PHF20: variants seen among roughly 807,000 people sequenced by gnomAD.
PHF20 encodes glioma-expressed antigen 2.
Under a neutral mutation model 113.5 loss-of-function variants are expected in PHF20, and 23 were observed. The ratio of observed to expected loss-of-function variants is 0.20; its 90% CI spans 0.15 to 0.29. The LOEUF (loss-of-function observed/expected upper bound fraction) is 0.29, where lower values mean the gene tolerates loss of function less well. PHF20 is among the 10% of genes least tolerant of loss of function. The pLI is 1.00. For missense variants in PHF20, 943 were observed against 1,219.6 expected (o/e 0.77, Z 3.38); for synonymous variants, 434 against 457.3 (o/e 0.95, Z 0.65).
chr20:35,792,993 T>TC (rs375051188), intron 1 of PHF20, among the ~76,000 whole-genome samples: 17 of 152,276 alleles, frequency 1.1e-4, no homozygotes, highest in African/African-American at 3.8e-4. Flanking sequence ...TGTGCACCCA[T>TC]CCCTAGGCAT....
intron 14 of PHF20, 34 bp from the exon 15 acceptor site, chr20:35,931,215 C>T (rs1184977782): frequency 6.5e-7 from 1 of 1,529,434 alleles, no homozygotes; most frequent in Admixed American, 1.7e-5. Context: ...TTCCTTCAGG[C>T]CTTGTTTTAA....
intron 10 of PHF20, among the ~76,000 whole-genome samples, chr20:35,913,020 G>A (rs773613060): frequency 3.9e-5 from 6 of 152,152 alleles, no homozygotes; most frequent in Non-Finnish European, 8.8e-5. Flanking sequence ...AATGAACATG[G>A]CATGTTTCAC....
At chr20:35,896,081 A>ATG (rs10633976) in intron 9 of PHF20, among the ~76,000 whole-genome samples, 8,746 of 143,102 alleles carry the variant, frequency 0.061, 432 homozygotes, top group African/African-American at 0.14. Flanking sequence ...ATGCTTTGGG[A>ATG]TGTGTGTGTG....
At chr20:35,902,803 C>T (rs1034237455) in intron 10 of PHF20, among the ~76,000 whole-genome samples, 4 of 152,174 alleles carry the variant, frequency 2.6e-5, no homozygotes, top group African/African-American at 9.7e-5. Flanking sequence ...AACTTTGTTA[C>T]ACTAAATGAC....
At chr20:35,829,762 AG>A (rs1223323197) in intron 2 of PHF20, among the ~76,000 whole-genome samples, 1 of 152,060 alleles carries the variant, frequency 6.6e-6, no homozygotes, top group Non-Finnish European at 1.5e-5. Context: ...TGGGAGGCTG[AG>A]GCAGGCATAT....
At chr20:35,880,119 C>T (rs189801377) in intron 9 of PHF20, among the ~76,000 whole-genome samples, 189 of 152,312 alleles carry the variant, frequency 1.2e-3, no homozygotes, top group Middle Eastern at 3.4e-3. Context: ...AGTGGGCACT[C>T]TTGGACTTAG....
At chr20:35,799,541 C>T (rs17093099) in intron 1 of PHF20, among the ~76,000 whole-genome samples, 7,273 of 152,068 alleles carry the variant, frequency 0.048, 214 homozygotes, top group African/African-American at 0.089. Flanking sequence ...AAGGAAGTGG[C>T]CTGTTCAAGT....
rs370219802 is a variant in PHF20, at chr20:35,891,922, G to C, written c.1283-7448G>C. The stretch of plus-strand genomic sequence containing the variant: ...TTGTCACTGTGTTGCCCAGGCTGGA[G>C]TGCAGTGGGCAATCTTGGCTCACTG... On this transcript the variant is annotated intron_variant, in intron 9 of 17. Coordinates refer to ENST00000374012, the MANE Select transcript of PHF20 (RefSeq NM_016436.5). 5.6e-4 allele frequency among the ~76,000 whole-genome samples: 85 copies of C among 152,128 alleles called. No homozygotes were observed. In the South Asian group the frequency reaches 0.013, roughly 24 times the overall value.
chr20:35,772,125 C>G (rs1448662683), intron 1 of PHF20, 46 bp downstream of exon 1: 1 of 149,498 alleles, frequency 6.7e-6, no homozygotes, highest in African/African-American at 2.4e-5. Context: ...CCGGGTTGGG[C>G]CGGGCCCGCG....
chr20:35,863,387 C>T lies in PHF20; in HGVS notation c.795C>T (p.Ser265=). The change falls in exon 6 of 18, where the codon TCC becomes TCT. Residue 265 remains serine (S), a synonymous_variant. Transcript: ENST00000374012. ...AAAGAAAACGAGGCAGACCCCCTTC[C>T]ATAGCTCCTACTGGTGAGTTTTTTA... is the stretch of plus-strand genomic sequence containing the variant. ...EPKRKRGRPP[S]IAPTAVDSNS... is the part of the protein sequence containing the mutation. 6.2e-7 allele frequency: 1 copy of T among 1,600,292 alleles called. No individual in the cohort carries two copies. The highest frequency in any genetic ancestry group is 8.5e-7 in the Non-Finnish European group (1 of 1,175,712).
At chr20:35,784,062 T>G (rs1214594917) in intron 1 of PHF20, among the ~76,000 whole-genome samples, 11 of 151,712 alleles carry the variant, frequency 7.3e-5, no homozygotes, top group African/African-American at 2.7e-4. Context: ...TGTGTGTTTT[T>G]TTTTTTTTTG....
rs368676517 is a variant in PHF20 at position 35,871,087 on chromosome 20, C to G, written c.1055C>G (p.Thr352Arg). ...TTGGTTGTATCAGATTTGGTTGATA[C>G]GGATCCTTTGCAAGACACGTTGTCT... ...PDLVVSDLVD[T>R]DPLQDTLSST... The change falls in exon 8 of 18, where the codon ACG becomes AGG. Residue 352 changes from threonine (T) to arginine (R), a missense_variant. Thr to Arg is a moderately conservative substitution (Grantham distance 71). Transcript: ENST00000374012. 6.2e-6 allele frequency: 10 copies of G among 1,612,706 alleles called. No individual in the cohort carries two copies.
At position 35,786,470 on chromosome 20, in the gene PHF20, G is replaced by A. The variant is rs543823232; in HGVS notation, c.-33+14391G>A. ...TGTCATCCCAGCAGTTTGGGAGGCCGAGGCGGGTGGATCACAAGGCCAGGA... is the reference window on the plus strand; with the variant it reads ...TGTCATCCCAGCAGTTTGGGAGGCCAAGGCGGGTGGATCACAAGGCCAGGA... On this transcript the variant is annotated intron_variant, in intron 1 of 17. Transcript: ENST00000374012. Among the ~76,000 whole-genome samples the A allele has an allele frequency of 5.3e-5, 8 of 152,276 alleles. No homozygotes were observed. The East Asian group carries it at 1.5e-3, about 29-fold the overall frequency.
chr20:35,897,175 A>G (rs2055001457), intron 9 of PHF20, among the ~76,000 whole-genome samples: 1 of 152,058 alleles, frequency 6.6e-6, no homozygotes, highest in South Asian at 2.1e-4. Flanking sequence ...CTGGGACTAT[A>G]GGCACATGCC....
At position 35,805,009 on chromosome 20, in the gene PHF20, C is replaced by A. The variant is rs2041854992; in HGVS notation, c.83+3404C>A. Among the ~76,000 whole-genome samples, 5 of 152,092 alleles carry A rather than the reference C, an allele frequency of 3.3e-5. No individual in the cohort carries two copies. The South Asian group carries it at 1.0e-3, about 32-fold the overall frequency. ...CTCCGCCTCCCAGGTTCAAGCGATT[C>A]TCGTGCCTCAGCCTCCTGAGTATGT... On this transcript the variant is annotated intron_variant, in intron 2 of 17. Coordinates refer to ENST00000374012, the MANE Select transcript of PHF20 (RefSeq NM_016436.5).
intron 2 of PHF20, among the ~76,000 whole-genome samples, chr20:35,812,817 T>C (rs2042000852): frequency 6.6e-6 from 1 of 152,158 alleles, no homozygotes; most frequent in Non-Finnish European, 1.5e-5. Flanking sequence ...CAATATCCTA[T>C]TATCCCCCCA....
chr20:35,926,394 C>T (rs1010664041), intron 13 of PHF20, among the ~76,000 whole-genome samples: 73 of 151,096 alleles, frequency 4.8e-4, no homozygotes, highest in African/African-American at 6.0e-4. Flanking sequence ...CCCGCCACCA[C>T]GCCCGGCTAA....
intron 10 of PHF20, among the ~76,000 whole-genome samples, chr20:35,910,165 A>T (rs376933986): frequency 6.6e-6 from 1 of 152,206 alleles, no homozygotes; most frequent in Non-Finnish European, 1.5e-5. Flanking sequence ...AACCAGACAC[A>T]AAAGGTCACA....
intron 9 of PHF20, among the ~76,000 whole-genome samples, chr20:35,895,694 T>C (rs917179741): frequency 4.0e-5 from 6 of 149,290 alleles, no homozygotes; most frequent in Admixed American, 1.3e-4. Flanking sequence ...TTTTTTTTTT[T>C]TTTTTTTTTG....
Sources: allele counts gnomAD v4.1 joint callset (sites outside exome capture counted in the v4.1 genomes callset), GRCh38; gene constraint gnomAD v4.1.1; transcripts MANE v1.5; gene names NCBI Gene and HGNC (gene_info 2026-07-23, HGNC 2026-07-21).